ANKRD11: variants seen among roughly 807,000 people sequenced by gnomAD.
ANKRD11 encodes ankyrin repeat domain-containing protein 11.
ANKRD11 carries 17 observed loss-of-function variants against 195.7 expected under a neutral mutation model. That is an observed-to-expected ratio of 0.09 (90% CI 0.06 to 0.13). The LOEUF (loss-of-function observed/expected upper bound fraction) is 0.13. Among genes scored for constraint, ANKRD11 ranks in the 10% least tolerant of loss-of-function variants. The pLI, the probability that ANKRD11 is intolerant of heterozygous loss-of-function variation, is 1.00. For missense variants in ANKRD11, 3,735 were observed against 3,566.1 expected, an observed-to-expected ratio of 1.05 and a Z score of -1.21; for synonymous variants, 1,953 against 1,528.1, an observed-to-expected ratio of 1.28 and a Z score of -6.49.
chr16:89,321,354 C>T (rs913344566), intron 2 of ANKRD11: 1 of 152,244 alleles, frequency 6.6e-6, no homozygotes, highest in African/African-American at 2.4e-5. Context: ...GCCAGGACAA[C>T]CCTGAGACAC....
intron 4 of ANKRD11, among the ~76,000 whole-genome samples, chr16:89,294,702 C>T (rs764654619): frequency 6.6e-6 from 1 of 152,210 alleles, no homozygotes; most frequent in Non-Finnish European, 1.5e-5. Flanking sequence ...GGGTCCTTGA[C>T]GTGCACACAC....
At chr16:89,304,071 A>G (rs2036010706) in intron 4 of ANKRD11, among the ~76,000 whole-genome samples, 1 of 152,218 alleles carries the variant, frequency 6.6e-6, no homozygotes, top group Non-Finnish European at 1.5e-5. Context: ...CTTCCCCAGC[A>G]GGGCTGTAGA....
chr16:89,476,967 G>A (rs1203191931), intron 1 of ANKRD11, among the ~76,000 whole-genome samples: 1 of 152,120 alleles, frequency 6.6e-6, no homozygotes, highest in Non-Finnish European at 1.5e-5. Flanking sequence ...TCTATAATAC[G>A]AGGAGCTCGT....
intron 2 of ANKRD11, among the ~76,000 whole-genome samples, chr16:89,347,736 T>TTA (rs1304449408): frequency 6.6e-6 from 1 of 152,180 alleles, no homozygotes; most frequent in East Asian, 1.9e-4. Flanking sequence ...AAAGGTTACT[T>TTA]TTTAAAAAAG....
At chr16:89,327,288 G>T (rs2037787290) in intron 2 of ANKRD11, among the ~76,000 whole-genome samples, 1 of 152,136 alleles carries the variant, frequency 6.6e-6, no homozygotes, top group Non-Finnish European at 1.5e-5. Context: ...AAATTCCTAG[G>T]AAAACAGGAG....
chr16:89,442,413 C>CAAG, intron 1 of ANKRD11, among the ~76,000 whole-genome samples: 1 of 152,084 alleles, frequency 6.6e-6, no homozygotes, highest in African/African-American at 2.4e-5. Flanking sequence ...TTGTAGAGAC[C>CAAG]AAGACTCTTC....
intron 2 of ANKRD11, among the ~76,000 whole-genome samples, chr16:89,386,988 C>A (rs1255990741): frequency 6.6e-6 from 1 of 151,924 alleles, no homozygotes; most frequent in Non-Finnish European, 1.5e-5. Context: ...ACCCTGGGAG[C>A]CCTGTATCGA....
At chr16:89,489,393 GCCACCCCCCACACCCGCCCGC>G (rs2057732697) in intron 1 of ANKRD11, among the ~76,000 whole-genome samples, 1 of 148,356 alleles carries the variant, frequency 6.7e-6, no homozygotes, top group Non-Finnish European at 1.5e-5. Flanking sequence ...TTTCCTCCCA[GCCACCCCCCACACCCGCCCGC>G]CTACCCTCCC....
chr16:89,413,177 C>A (rs1333107710), intron 2 of ANKRD11, among the ~76,000 whole-genome samples: 1 of 152,166 alleles, frequency 6.6e-6, no homozygotes, highest in South Asian at 2.1e-4. Flanking sequence ...TTTAAAGATG[C>A]CTAGCCACAG....
chr16:89,311,546 C>G (rs1413572477), intron 3 of ANKRD11, among the ~76,000 whole-genome samples: 3 of 152,122 alleles, frequency 2.0e-5, no homozygotes, highest in Non-Finnish European at 2.9e-5. Flanking sequence ...ACATGAAAAT[C>G]TATGCTTACC....
At chr16:89,277,039 G>C (rs975045832) in intron 9 of ANKRD11, among the ~76,000 whole-genome samples, 3 of 143,302 alleles carry the variant, frequency 2.1e-5, no homozygotes, top group Non-Finnish European at 3.0e-5. Context: ...CTGGGTGACA[G>C]AGTGAGACTC....
chr16:89,471,442 G>C (rs1279566694), intron 1 of ANKRD11, among the ~76,000 whole-genome samples: 1 of 152,056 alleles, frequency 6.6e-6, no homozygotes, highest in African/African-American at 2.4e-5. Context: ...CTTTGCTAGA[G>C]GCTGCTCTGA....
chr16:89,303,057 C>G (rs1015653463), intron 4 of ANKRD11, among the ~76,000 whole-genome samples: 2 of 152,182 alleles, frequency 1.3e-5, no homozygotes, highest in African/African-American at 2.4e-5. Flanking sequence ...CATGATGAAA[C>G]GGCCACCACA....
intron 2 of ANKRD11, among the ~76,000 whole-genome samples, chr16:89,379,482 G>A (rs1042347997): frequency 6.6e-6 from 1 of 152,342 alleles, no homozygotes; most frequent in South Asian, 2.1e-4. Flanking sequence ...CTTTCCAGGA[G>A]TCCAACTTGA....
chr16:89,407,773 C>A (rs573047536), intron 2 of ANKRD11, among the ~76,000 whole-genome samples: 10 of 150,526 alleles, frequency 6.6e-5, no homozygotes, highest in African/African-American at 2.4e-4. Context: ...TCGCTTGAGC[C>A]CAGGAGGCAG....
chr16:89,425,273 T>G (rs984821891), intron 1 of ANKRD11, among the ~76,000 whole-genome samples: 3 of 152,114 alleles, frequency 2.0e-5, no homozygotes, highest in Non-Finnish European at 4.4e-5. Flanking sequence ...TTTTAAATGG[T>G]GGGGCCAAGA....
chr16:89,277,854 C>T (rs1287102011), intron 9 of ANKRD11: 3 of 155,048 alleles, frequency 1.9e-5, no homozygotes, highest in South Asian at 2.0e-4. Flanking sequence ...CAGCAGACCC[C>T]GTCATCCTCA....
chr16:89,399,063 C>T (rs924386918), intron 2 of ANKRD11, among the ~76,000 whole-genome samples: 1 of 152,192 alleles, frequency 6.6e-6, no homozygotes, highest in African/African-American at 2.4e-5. Context: ...TTCAGTGTTG[C>T]CTCAACAGAA....
intron 3 of ANKRD11, among the ~76,000 whole-genome samples, chr16:89,316,075 G>C (rs1378797424): frequency 2.0e-5 from 3 of 152,044 alleles, no homozygotes; most frequent in Non-Finnish European, 2.9e-5. Flanking sequence ...CAAGAAGTTA[G>C]GAGGAGCAAG....
Sources: gnomAD v4.1 joint callset for allele counts (sites outside exome capture counted in the v4.1 genomes callset) on GRCh38, gnomAD v4.1.1 for gene constraint, MANE v1.5 for transcripts, NCBI Gene and HGNC (gene_info 2026-07-23, HGNC 2026-07-21) for gene names.